The following CLVS1 variants were observed in gnomAD, a reference collection of about 807,000 sequenced individuals.
CLVS1 encodes clavesin-1.
Under a neutral mutation model 33.1 loss-of-function variants are expected in CLVS1, and 10 were observed. The ratio of observed to expected loss-of-function variants is 0.30; its 90% CI spans 0.19 to 0.51. The LOEUF is 0.51. CLVS1 is among the 20% of genes least tolerant of loss of function. The pLI is 0.97. For missense variants in CLVS1, 343 were observed against 433.4 expected (o/e 0.79, Z 1.85); for synonymous variants, 163 against 166.1 (o/e 0.98, Z 0.14).
intron 1 of CLVS1, chr8:61,292,601 C>T (rs2129593924): frequency 6.2e-6 from 2 of 320,928 alleles, no homozygotes; most frequent in East Asian, 7.5e-5. Context: ...ATTGATACCC[C>T]TAGGAAGCAC....
chr8:61,188,033 G>C (rs1447208443), intron 2 of CLVS1, among the ~76,000 whole-genome samples: 1 of 152,060 alleles, frequency 6.6e-6, no homozygotes, highest in Non-Finnish European at 1.5e-5. Context: ...CACTGAGACT[G>C]ACAAATTTGA....
At chr8:61,197,984 T>C (rs1277604008) in intron 2 of CLVS1, among the ~76,000 whole-genome samples, 1 of 152,220 alleles carries the variant, frequency 6.6e-6, no homozygotes, top group South Asian at 2.1e-4. Flanking sequence ...ATGCAGTCTC[T>C]CTGACCCTCC....
intron 1 of CLVS1, among the ~76,000 whole-genome samples, chr8:61,124,931 AC>A (rs912038647): frequency 5.9e-5 from 9 of 152,316 alleles, no homozygotes; most frequent in African/African-American, 2.2e-4. Flanking sequence ...AAACATCAGC[AC>A]AGGTGAGAGA....
At chr8:61,081,682 C>T (rs1805022066) in intron 1 of CLVS1, among the ~76,000 whole-genome samples, 1 of 152,184 alleles carries the variant, frequency 6.6e-6, no homozygotes, top group Admixed American at 6.5e-5. Context: ...AATTAGAAGT[C>T]ATCCCTTCCA....
chr8:61,036,041 C>A, the CLVS1 span, among the ~76,000 whole-genome samples: 2 of 115,028 alleles, frequency 1.7e-5, no homozygotes, highest in African/African-American at 6.6e-5. Flanking sequence ...ACTCCTGCCA[C>A]CACGGCCTCC....
intron 5 of CLVS1, among the ~76,000 whole-genome samples, chr8:61,491,823 G>A (rs944906914): frequency 3.3e-5 from 5 of 152,120 alleles, no homozygotes; most frequent in East Asian, 1.9e-4. Context: ...TATTTATTTT[G>A]AGATAAAATT....
the CLVS1 span, among the ~76,000 whole-genome samples, chr8:60,987,781 A>G: frequency 2.6e-5 from 4 of 152,158 alleles, no homozygotes; most frequent in South Asian, 2.1e-4. Flanking sequence ...AAAAGTGCCA[A>G]TGAGAGCCAG....
intron 2 of CLVS1, among the ~76,000 whole-genome samples, chr8:61,225,077 G>A (rs1808298385): frequency 1.3e-5 from 2 of 152,222 alleles, no homozygotes; most frequent in South Asian, 4.1e-4. Flanking sequence ...AGCACTTTGG[G>A]AGGCTGAGGC....
intron 5 of CLVS1, among the ~76,000 whole-genome samples, chr8:61,467,456 A>G (rs945601649): frequency 1.3e-5 from 2 of 152,216 alleles, no homozygotes; most frequent in East Asian, 3.8e-4. Context: ...CTGAAAAGCC[A>G]GGCTTTGTCC....
Position 61,281,947 on chromosome 8 carries a change from G to A in CLVS1, c.-151-17730G>A, listed in dbSNP as rs80106582. On this transcript the variant is annotated intron_variant, in intron 2 of 2. Coordinates refer to the CLVS1 transcript ENST00000522621. ...TCATATAGCAACAAATAACTAACAC[G>A]CCATGAAGTTCTGTACACCTTTTGC... 2.8e-3 allele frequency among the ~76,000 whole-genome samples: 421 copies of A among 152,214 alleles called. 1 individual carries two copies. The highest frequency in any genetic ancestry group is 9.5e-3 in the African/African-American group (393 of 41,528).
At chr8:61,390,937 T>C (rs1388489366) in intron 3 of CLVS1, 2 of 152,010 alleles carry the variant, frequency 1.3e-5, no homozygotes, top group Non-Finnish European at 2.9e-5. Flanking sequence ...TTATCCCAAA[T>C]GTTATATAAA....
chr8:60,999,566 C>T, the CLVS1 span, among the ~76,000 whole-genome samples: 3 of 152,166 alleles, frequency 2.0e-5, no homozygotes, highest in East Asian at 5.8e-4. Context: ...AACATTAAAG[C>T]CCCACAACCC....
At chr8:61,450,639 T>C (rs1195081211) in intron 3 of CLVS1, among the ~76,000 whole-genome samples, 2 of 152,238 alleles carry the variant, frequency 1.3e-5, no homozygotes, top group Non-Finnish European at 2.9e-5. Context: ...CATATCATTA[T>C]ATAATTGCTG....
intron 2 of CLVS1, among the ~76,000 whole-genome samples, chr8:61,204,398 G>A (rs1312811626): frequency 6.6e-6 from 1 of 152,132 alleles, no homozygotes; most frequent in Non-Finnish European, 1.5e-5. Flanking sequence ...GCAAATTATT[G>A]GATTTGTGAT....
intron 2 of CLVS1, among the ~76,000 whole-genome samples, chr8:61,368,539 C>T (rs1813305250): frequency 6.6e-6 from 1 of 152,172 alleles, no homozygotes; most frequent in African/African-American, 2.4e-5. Context: ...TGGACTGGGG[C>T]AGAGGATGAC....
upstream of CLVS1, chr8:61,287,840 A>G: frequency 3.0e-6 from 1 of 337,342 alleles, no homozygotes; most frequent in Non-Finnish European, 5.8e-6. Context: ...TTTTTGTCCC[A>G]GATGTTAACA....
the CLVS1 span, among the ~76,000 whole-genome samples, chr8:61,035,180 C>CTTTTTTTTTTTTTTTTTTT: frequency 1.2e-5 from 1 of 86,046 alleles, no homozygotes; most frequent in African/African-American, 4.6e-5. Context: ...CTTTTCTTTT[C>CTTTTTTTTTTTTTTTTTTT]TTTTTTCTTT....
chr8:61,047,510 C>T, the CLVS1 span, among the ~76,000 whole-genome samples: 2,549 of 152,244 alleles, frequency 0.017, 45 homozygotes, highest in Middle Eastern at 0.065. Context: ...TATTGCGGCA[C>T]TATTCACAAT....
chr8:61,276,483 T>C (rs977974652), intron 2 of CLVS1, among the ~76,000 whole-genome samples: 2 of 152,228 alleles, frequency 1.3e-5, no homozygotes, highest in African/African-American at 2.4e-5. Context: ...CAACATTCTC[T>C]TGTTTGTTTT....
Sources: gnomAD v4.1 joint callset for allele counts (sites outside exome capture counted in the v4.1 genomes callset) on GRCh38, gnomAD v4.1.1 for gene constraint, MANE v1.5 for transcripts, NCBI Gene and HGNC (gene_info 2026-07-23, HGNC 2026-07-21) for gene names.